Variants in ZNF888 observed in about 807,000 individuals in gnomAD.
ZNF888 encodes zinc finger protein 888.
Under a neutral mutation model 7.2 loss-of-function variants are expected in ZNF888, and 5 were observed. The ratio of observed to expected loss-of-function variants is 0.70; its 90% CI spans 0.36 to 1.46. The LOEUF is 1.46. ZNF888 is among the 40% of genes most tolerant of loss of function. The pLI, the probability that ZNF888 is intolerant of heterozygous loss-of-function variation, is 0.03. For missense variants in ZNF888, 716 were observed against 858.0 expected (o/e 0.83, Z 2.07); for synonymous variants, 240 against 284.3 (o/e 0.84, Z 1.57).
chr19:52,906,723 T>C lies in ZNF888; in HGVS notation c.1599A>G (p.Gln533=), dbSNP rs55809029. 473,979 of 1,612,646 alleles carry C rather than the reference T, an allele frequency of 0.29. 70,104 individuals carry two copies. The highest frequency in any genetic ancestry group is 0.43 in the South Asian group (39,315 of 91,028). Residue 533 remains glutamine (Q), a synonymous_variant, in exon 5 of 5, where the codon CAA becomes CAG. Coordinates refer to ENST00000638862, the MANE Select transcript of ZNF888 (RefSeq NM_001393938.1). ...KCNECGKTFV[Q]NSSLVMHKVI... is the part of the protein sequence containing the mutation. ...CCTTATGCATTACAAGAGATGAATT[T>C]TGAACGAAGGTCTTGCCACACTCAT...
At position 52,907,591 on chromosome 19, in the gene ZNF888, C is replaced by T. The variant is rs1172572536; in HGVS notation, c.731G>A (p.Cys244Tyr). 2 of 1,606,420 alleles carry T rather than the reference C, an allele frequency of 1.2e-6. No homozygotes were observed. The highest frequency in any genetic ancestry group is 1.7e-5 in the Admixed American group (1 of 58,796). The change falls in exon 5 of 5, where the codon TGT becomes TAT. Residue 244 changes from cysteine (C) to tyrosine (Y), a missense_variant. Transcript: ENST00000638862. ...IIHLGEKQYK[C>Y]DVCGKDFNQK... Reference sequence around the variant, plus strand: ...ATTAAAGTCTTTGCCACATACATCACATTTATATTGTTTCTCTCCTAGATG... The same window carrying T: ...ATTAAAGTCTTTGCCACATACATCATATTTATATTGTTTCTCTCCTAGATG...
chr19:52,907,971 C>T lies in ZNF888; in HGVS notation c.351G>A (p.Glu117=), dbSNP rs1217078866. 3.7e-6 allele frequency: 6 copies of T among 1,614,118 alleles called. No homozygotes were observed. The highest frequency in any genetic ancestry group is 5.1e-6 in the Non-Finnish European group (6 of 1,180,006). ...CATATTGGTCTGTACTACCCGTCAA[C>T]TCTTTGATTTCTGTCATGGGTGCTT... ...GHEAPMTEIK[E]LTGSTDQYDQ... Residue 117 remains glutamate, a synonymous_variant, in exon 5 of 5, where the codon GAG becomes GAA. Coordinates refer to ENST00000638862, the MANE Select transcript of ZNF888 (RefSeq NM_001393938.1).
chr19:52,914,562 T>C (rs1237345779), intron 4 of ZNF888, among the ~76,000 whole-genome samples: 1 of 152,338 alleles, frequency 6.6e-6, no homozygotes. Flanking sequence ...TGGGGAGCAC[T>C]GTAATATGTA....
At chr19:52,921,071 G>A (rs7251313) in intron 1 of ZNF888, among the ~76,000 whole-genome samples, 66,596 of 151,956 alleles carry the variant, frequency 0.44, 15,845 homozygotes, top group Non-Finnish European at 0.54. Flanking sequence ...GGACATGGGA[G>A]ATATCTCTGA....
Position 52,919,807 on chromosome 19 carries a change from C to T in ZNF888, c.-177-870G>A, listed in dbSNP as rs1242493264. Among the ~76,000 whole-genome samples the T allele has an allele frequency of 8.5e-5, 5 of 58,992 alleles. 1 individual carries two copies. The highest frequency in any genetic ancestry group is 2.3e-4 in the African/African-American group (4 of 17,390). The allele number at this position is 58,992 out of a possible 152,430, so 38.7% of individuals were successfully genotyped here. A position where few individuals can be genotyped will look rare whatever the true frequency, so the allele number is the denominator to read the frequency against. On this transcript the variant is annotated intron_variant, in intron 1 of 4. Coordinates refer to ENST00000638862, the MANE Select transcript of ZNF888 (RefSeq NM_001393938.1). Reference sequence around the variant, plus strand: ...GATGTGAGGAGCGCCTCTGCTGGGCCGCAACCCTGTCTGGGAGGTGAGGAG... The same window carrying T: ...GATGTGAGGAGCGCCTCTGCTGGGCTGCAACCCTGTCTGGGAGGTGAGGAG...
At chr19:52,913,531 G>C (rs1017652916) in intron 4 of ZNF888, among the ~76,000 whole-genome samples, 14 of 152,046 alleles carry the variant, frequency 9.2e-5, no homozygotes, top group Admixed American at 4.6e-4. Flanking sequence ...CAGCATGTTA[G>C]CTAGCCGGGT....
intron 3 of ZNF888, 89 bp from the exon 4 acceptor site, chr19:52,915,411 T>C: frequency 6.2e-7 from 1 of 1,611,886 alleles, no homozygotes; most frequent in Non-Finnish European, 8.5e-7. Context: ...AAAGCATGGA[T>C]TTAATTGTAG....
chr19:52,904,651 G>A lies in ZNF888; in HGVS notation c.*1514C>T, dbSNP rs1485684539. On this transcript the variant is annotated 3_prime_UTR_variant, in exon 5 of 5. Transcript: ENST00000638862. ...GTTTCACAATGTTCTTCTATACAAT[G>A]TCTGGAATCTATGAATAACATCAGT... 1.3e-5 allele frequency: 2 copies of A among 152,218 alleles called. No homozygotes were observed. The highest frequency in any genetic ancestry group is 1.3e-4 in the Admixed American group (2 of 15,290). The allele number at this position is 152,218 out of a possible 1,614,324, so 9.4% of individuals were successfully genotyped here.
chr19:52,922,239 G>C (rs1978617), intron 1 of ZNF888, among the ~76,000 whole-genome samples: 137,139 of 151,962 alleles, frequency 0.9, 62,117 homozygotes, highest in African/African-American at 0.95. Context: ...TGTTCTCAAT[G>C]TCCATAGATT....
At chr19:52,911,424 C>T (rs1418589903) in intron 4 of ZNF888, among the ~76,000 whole-genome samples, 4 of 151,562 alleles carry the variant, frequency 2.6e-5, no homozygotes, top group Non-Finnish European at 5.9e-5. Flanking sequence ...CTGCAACCTC[C>T]ATCTCCCGGG....
rs533130116 is a variant in ZNF888, at chr19:52,922,397, C to T, written c.-178+972G>A. On this transcript the variant is annotated intron_variant, in intron 1 of 4. Coordinates refer to ENST00000638862, the MANE Select transcript of ZNF888 (RefSeq NM_001393938.1). ...CCTCTGTTCTCCTTGCCACCAGCACCACTCTGCTCTGTCTGCCCTGGCTCC... is the reference window on the plus strand; with the variant it reads ...CCTCTGTTCTCCTTGCCACCAGCACTACTCTGCTCTGTCTGCCCTGGCTCC... 3.9e-5 allele frequency among the ~76,000 whole-genome samples: 6 copies of T among 152,198 alleles called. No homozygotes were observed. The South Asian group carries it at 1.2e-3, about 32-fold the overall frequency.
intron 4 of ZNF888, chr19:52,914,437 T>C: frequency 7.6e-6 from 6 of 788,680 alleles, no homozygotes; most frequent in Non-Finnish European, 9.2e-6. Flanking sequence ...GACCATGAAG[T>C]GCTGGAGCTT....
chr19:52,914,497 A>C (rs1034837483), intron 4 of ZNF888: 6 of 245,036 alleles, frequency 2.4e-5, no homozygotes, highest in Middle Eastern at 4.1e-3. Flanking sequence ...CATTGCAGAT[A>C]GATCTAGGAA....
chr19:52,909,740 T>A (rs1325577204), intron 4 of ZNF888, among the ~76,000 whole-genome samples: 2 of 152,074 alleles, frequency 1.3e-5, no homozygotes, highest in African/African-American at 4.8e-5. Context: ...TTCTAAACAA[T>A]TCCCTCTTAA....
chr19:52,907,841 T>C lies in ZNF888; in HGVS notation c.481A>G (p.Asn161Asp). The change falls in exon 5 of 5, where the codon AAT becomes GAT. Residue 161 changes from asparagine (N) to aspartate (D), a missense_variant. Around this residue, in one of 2 missense-constraint regions of ZNF888, gnomAD observed 697 missense variants for 803.4 expected, o/e 0.87. Transcript: ENST00000638862. ...TTGTTGATAGACTTCTCAAGTTGATTACCAATTTTCCCTTCGGGCTGAAAT... is the reference window on the plus strand; with the variant it reads ...TTGTTGATAGACTTCTCAAGTTGATCACCAATTTTCCCTTCGGGCTGAAAT... Reference protein sequence around the residue: ...HIFQPEGKIGNQLEKSINNAS... With the variant: ...HIFQPEGKIGDQLEKSINNAS... 1.2e-6 allele frequency: 2 copies of C among 1,614,182 alleles called. No individual in the cohort carries two copies. The highest frequency in any genetic ancestry group is 1.7e-6 in the Non-Finnish European group (2 of 1,180,028).
chr19:52,910,321 A>C (rs2064663576), intron 4 of ZNF888, among the ~76,000 whole-genome samples: 1 of 152,086 alleles, frequency 6.6e-6, no homozygotes, highest in African/African-American at 2.4e-5. Context: ...AATACAAAAA[A>C]AATTAGCTAT....
At position 52,905,930 on chromosome 19, in the gene ZNF888, T is replaced by G; in HGVS notation, c.*235A>C. On this transcript the variant is annotated 3_prime_UTR_variant, in exon 5 of 5. Coordinates refer to ENST00000638862, the MANE Select transcript of ZNF888 (RefSeq NM_001393938.1). ...AATCATCACACTTGTGAGGTTTCTC[T>G]CCTGTATGAATTCTCCTGTTTTGCA... The G allele has an allele frequency of 1.2e-6, 1 of 812,956 alleles. No individual in the cohort carries two copies. Among genetic ancestry groups the G allele is most frequent in the Non-Finnish European group, 2.2e-6 (1 of 462,396 alleles). 50.4% of individuals were successfully genotyped at this position (812,956 alleles called of 1,614,324 possible).
At chr19:52,911,660 GGACAGTGAAAT>G (rs2064680582) in intron 4 of ZNF888, among the ~76,000 whole-genome samples, 1 of 151,838 alleles carries the variant, frequency 6.6e-6, no homozygotes, top group South Asian at 2.1e-4. Flanking sequence ...ATTTCTAACA[GGACAGTGAAAT>G]GACAGAAACA....
intron 4 of ZNF888, among the ~76,000 whole-genome samples, chr19:52,913,031 C>T (rs1477977080): frequency 7.2e-5 from 11 of 151,980 alleles, no homozygotes; most frequent in African/African-American, 2.4e-4. Context: ...TGCTTGAACC[C>T]GGGAGATGGA....
Sources: allele counts gnomAD v4.1 joint callset (sites outside exome capture counted in the v4.1 genomes callset), GRCh38; gene constraint gnomAD v4.1.1; regional missense constraint gnomAD v4.1.1; transcripts MANE v1.5; gene names NCBI Gene and HGNC (gene_info 2026-07-23, HGNC 2026-07-21).